The following ALPK2 variants were observed in gnomAD, a reference collection of about 807,000 sequenced individuals.
ALPK2 encodes alpha-protein kinase 2.
Under a neutral mutation model 163.1 loss-of-function variants are expected in ALPK2, and 127 were observed. The observed-to-expected ratio is 0.78, with a 90% CI of 0.67 to 0.90. ALPK2 has a LOEUF of 0.90. Ranked by LOEUF, ALPK2 falls within the 40% of genes least tolerant of loss-of-function variation. The pLI is 0.00. For synonymous variants in ALPK2, 953 were observed against 959.1 expected (o/e 0.99, Z 0.12); for missense variants, 2,360 against 2,589.6 (o/e 0.91, Z 1.92).
At chr18:58,608,957 CA>C (rs1003841164) in intron 2 of ALPK2, among the ~76,000 whole-genome samples, 227 of 116,934 alleles carry the variant, frequency 1.9e-3, no homozygotes, top group Middle Eastern at 4.8e-3. Context: ...GACCTTGTCT[CA>C]AAAAAAAAAA....
chr18:58,624,753 C>T (rs1447866084), intron 1 of ALPK2, among the ~76,000 whole-genome samples: 1 of 152,224 alleles, frequency 6.6e-6, no homozygotes, highest in African/African-American at 2.4e-5. Context: ...CCAAGCCCAG[C>T]CAAGTTGATT....
At position 58,481,829 on chromosome 18, in the gene ALPK2, T is replaced by A. The variant is rs1268669620; in HGVS notation, c.6507A>T (p.Lys2169Asn). The A allele has an allele frequency of 1.2e-6, 2 of 1,613,820 alleles. No homozygotes were observed. Among genetic ancestry groups the A allele is most frequent in the Admixed American group, 3.3e-5 (2 of 59,932 alleles). Residue 2169 changes from lysine (K) to asparagine (N), a missense_variant, in exon 13 of 13, where the codon AAA becomes AAT. Physicochemically the swap from Lys to Asn is moderately conservative, Grantham distance 94. Transcript: ENST00000361673. ...ATTAGGTTACCCAGGGACGTTAGGT[T>A]TTCTTTTCGCCTGGGGTCTCAGGCC... The part of the protein sequence containing the change: ...KAGPETPGEK[K>N]T
intron 6 of ALPK2, among the ~76,000 whole-genome samples, chr18:58,525,602 A>G (rs4289071): frequency 0.051 from 7,800 of 152,214 alleles, 248 homozygotes; most frequent in African/African-American, 0.09. Flanking sequence ...TTTCTTCTAG[A>G]AGGAATACAT....
chr18:58,521,852 T>C (rs2051555662), intron 8 of ALPK2, among the ~76,000 whole-genome samples: 3 of 152,004 alleles, frequency 2.0e-5, no homozygotes. Flanking sequence ...AGTCTTGATC[T>C]CTTGACCTCG....
intron 10 of ALPK2, among the ~76,000 whole-genome samples, chr18:58,508,981 C>A (rs1184989365): frequency 1.3e-5 from 2 of 151,178 alleles, no homozygotes; most frequent in African/African-American, 4.9e-5. Flanking sequence ...TGTGCTGCAC[C>A]CATTAACTCA....
Position 58,535,984 on chromosome 18 carries a change from G to C in ALPK2, c.4203C>G (p.Ser1401=), listed in dbSNP as rs769883233. 1.9e-6 allele frequency: 3 copies of C among 1,614,036 alleles called. No homozygotes were observed. In the African/African-American group the frequency reaches 4.0e-5, roughly 22 times the overall value. The change falls in exon 5 of 13, where the codon TCC becomes TCG. Residue 1401 remains serine (S), a synonymous_variant. Coordinates refer to ENST00000361673, the MANE Select transcript of ALPK2 (RefSeq NM_052947.4). Reference sequence around the variant, plus strand: ...TTATCTCATCAATGGGATCTACAGAGGACTCTAGGATTTTAGGGCAGGTCA... The same window carrying C: ...TTATCTCATCAATGGGATCTACAGACGACTCTAGGATTTTAGGGCAGGTCA... ...KFLTCPKILE[S]SVDPIDEISV...
rs55674018 is a variant in ALPK2, at chr18:58,524,007, G to C, written c.5557C>G (p.Gln1853Glu). 314 of 1,613,976 alleles carry C rather than the reference G, an allele frequency of 1.9e-4. 1 individual carries two copies. The East Asian group carries it at 5.8e-3, about 30-fold the overall frequency. Residue 1853 changes from glutamine to glutamate, a missense_variant, in exon 7 of 13, where the codon CAG (glutamine) becomes GAG (glutamate). Coordinates refer to ENST00000361673, the MANE Select transcript of ALPK2 (RefSeq NM_052947.4). ...FAIVQASPKD[Q>E]GLYYCCIKNS... ...TTGATGCAGCAGTAATAGAGTCCCT[G>C]GTCCTTCGGACTGGCTTGCACGATG... is the stretch of plus-strand genomic sequence containing the variant.
chr18:58,503,963 G>A lies in ALPK2; in HGVS notation c.6215C>T (p.Thr2072Ile), dbSNP rs201226602. 2.0e-4 allele frequency: 320 copies of A among 1,613,872 alleles called. No individual in the cohort carries two copies. Among genetic ancestry groups the A allele is most frequent in the East Asian group, 2.2e-5 (1 of 44,890 alleles). ...GTCCGTCACCAGGAGGCAGCCACTT[G>A]TTTTCTGGTACACCCAGTGCTGGAA... ...CTFQHWVYQKTSGCLLVTDMQ... is the reference protein window; with the variant it reads ...CTFQHWVYQKISGCLLVTDMQ... The change falls in exon 11 of 13, where the codon ACA (threonine) becomes ATA (isoleucine). Residue 2072 changes from threonine (T) to isoleucine (I), a missense_variant. Thr to Ile is a moderately conservative substitution (Grantham distance 89). Coordinates refer to ENST00000361673, the MANE Select transcript of ALPK2 (RefSeq NM_052947.4).
intron 4 of ALPK2, among the ~76,000 whole-genome samples, chr18:58,577,250 G>A (rs1326664549): frequency 6.6e-6 from 1 of 152,150 alleles, no homozygotes; most frequent in Admixed American, 6.5e-5. Context: ...TGAAATTTGG[G>A]GCAGATGGAT....
chr18:58,513,214 A>G, intron 10 of ALPK2, among the ~76,000 whole-genome samples: 1 of 133,778 alleles, frequency 7.5e-6, no homozygotes, highest in African/African-American at 2.7e-5. Flanking sequence ...GTGTATGGTG[A>G]GTGTTGTTTG....
intron 12 of ALPK2, among the ~76,000 whole-genome samples, chr18:58,495,312 C>A (rs1455536984): frequency 6.6e-6 from 1 of 152,162 alleles, no homozygotes; most frequent in East Asian, 1.9e-4. Flanking sequence ...ATATCCCTGC[C>A]AAAGCTCTCA....
rs114780768 is a variant in ALPK2 at position 58,532,331 on chromosome 18, C to T, written c.5353+2503G>A. 9.8e-3 allele frequency among the ~76,000 whole-genome samples: 1,498 copies of T among 152,276 alleles called. 17 individuals are homozygous for T. The highest frequency in any genetic ancestry group is 0.034 in the African/African-American group (1,411 of 41,546). On this transcript the variant is annotated intron_variant, in intron 5 of 12. Transcript: ENST00000361673. ...TTTCTCTGCAAAGAAAATCCCCACA[C>T]GAGAGGGGAGAGGTTGGCCGCCAGT...
chr18:58,500,344 A>G (rs113832220), intron 11 of ALPK2, among the ~76,000 whole-genome samples: 2,328 of 152,254 alleles, frequency 0.015, 25 homozygotes, highest in Non-Finnish European at 0.025. Context: ...TGGAAGTCCA[A>G]TTTGAAAAAG....
chr18:58,550,663 ATGTACAACCCCATCCCCACCTCCATCG>A (rs2051753074), intron 4 of ALPK2, among the ~76,000 whole-genome samples: 1 of 151,442 alleles, frequency 6.6e-6, no homozygotes, highest in African/African-American at 2.4e-5. Context: ...CGTCTCCATC[ATGTACAACCCCATCCCCACCTCCATCG>A]TGTACAACCC....
chr18:58,495,709 C>G (rs558973306), intron 12 of ALPK2, among the ~76,000 whole-genome samples: 1 of 152,314 alleles, frequency 6.6e-6, no homozygotes, highest in South Asian at 2.1e-4. Flanking sequence ...ACGAAATTTG[C>G]CTACTCTGGT....
rs1161265302 is a variant in ALPK2, at chr18:58,523,926, G to C, written c.5629+9C>G. The C allele has an allele frequency of 6.2e-7, 1 of 1,606,438 alleles. No homozygotes were observed. The highest frequency in any genetic ancestry group is 8.5e-7 in the Non-Finnish European group (1 of 1,179,890). On this transcript the variant is annotated intron_variant, in intron 7 of 12. Transcript: ENST00000361673. ...GGCCAGTGGTTTTTCATTGAAAACT[G>C]TGGTTTACCTTCAGCTGTGAGGTTA... is the stretch of plus-strand genomic sequence containing the variant.
intron 1 of ALPK2, among the ~76,000 whole-genome samples, chr18:58,622,573 A>G (rs2052207582): frequency 6.6e-6 from 1 of 152,154 alleles, no homozygotes; most frequent in Admixed American, 6.5e-5. Context: ...CAGGGAAGAG[A>G]GGAGAACTTA....
chr18:58,619,894 C>T (rs2052189037), intron 1 of ALPK2, among the ~76,000 whole-genome samples: 1 of 152,216 alleles, frequency 6.6e-6, no homozygotes, highest in Non-Finnish European at 1.5e-5. Context: ...TGGAAACAAC[C>T]TAAATGTCTA....
At chr18:58,574,866 A>C (rs1201678941) in intron 4 of ALPK2, among the ~76,000 whole-genome samples, 1 of 152,114 alleles carries the variant, frequency 6.6e-6, no homozygotes, top group Non-Finnish European at 1.5e-5. Context: ...CAACCAAAGA[A>C]TGTGCTCAGG....
Sources: gnomAD v4.1 joint callset for allele counts (sites outside exome capture counted in the v4.1 genomes callset) on GRCh38, gnomAD v4.1.1 for gene constraint, MANE v1.5 for transcripts, NCBI Gene and HGNC (gene_info 2026-07-23, HGNC 2026-07-21) for gene names.